COMMD1: variants seen among roughly 807,000 people sequenced by gnomAD.
COMMD1 encodes COMM domain-containing protein 1.
Under a neutral mutation model 17.2 loss-of-function variants are expected in COMMD1, and 10 were observed. That is an observed-to-expected ratio of 0.58 (90% CI 0.36 to 0.99). COMMD1 has a LOEUF of 0.99. COMMD1 is among the 50% of genes least tolerant of loss of function. The probability of loss-of-function intolerance (pLI) is 0.01; values close to 1 mark genes in which losing one functional copy is unlikely to be tolerated. For synonymous variants in COMMD1, 97 were observed against 91.6 expected, an observed-to-expected ratio of 1.06 and a Z score of -0.34; for missense variants, 270 against 231.8, an observed-to-expected ratio of 1.17 and a Z score of -1.07.
chr2:61,968,757 C>T lies in COMMD1; in HGVS notation c.181-31944C>T, dbSNP rs79499477. Among the ~76,000 whole-genome samples, 38 of 152,026 alleles carry T rather than the reference C, an allele frequency of 2.5e-4. No individual in the cohort carries two copies. In the East Asian group the frequency reaches 6.0e-3, roughly 24 times the overall value. On this transcript the variant is annotated intron_variant, in intron 1 of 2. Transcript: ENST00000311832. The stretch of plus-strand genomic sequence containing the variant: ...ATTTTTTATATAGTTGAGATTTCTC[C>T]ATGTTGCCCAGGCTGGTTTCAAATT...
intron 2 of COMMD1, among the ~76,000 whole-genome samples, chr2:62,064,089 C>G (rs1161314173): frequency 6.6e-6 from 1 of 151,290 alleles, no homozygotes; most frequent in Non-Finnish European, 1.5e-5. Context: ...TCTGATTATT[C>G]CATTTTGTAA....
intron 2 of COMMD1, among the ~76,000 whole-genome samples, chr2:62,003,202 C>T (rs920773199): frequency 6.7e-6 from 1 of 150,062 alleles, no homozygotes; most frequent in East Asian, 1.9e-4. Flanking sequence ...CACTGCACTC[C>T]AGTCTGGGCA....
At chr2:62,060,896 TCC>T (rs898646650) in intron 2 of COMMD1, among the ~76,000 whole-genome samples, 1 of 152,256 alleles carries the variant, frequency 6.6e-6, no homozygotes, top group South Asian at 2.1e-4. Context: ...TCTGTTTTTT[TCC>T]CCCAATCTTT....
intron 2 of COMMD1, among the ~76,000 whole-genome samples, chr2:62,040,468 T>C (rs904932221): frequency 3.3e-5 from 5 of 152,208 alleles, no homozygotes; most frequent in African/African-American, 1.2e-4. Context: ...ATAGTTTCTC[T>C]TGAAAACAAT....
In COMMD1 at chr2:62,104,594, A is replaced by T. The variant is rs1451335617; in HGVS notation, c.463-31237A>T. On this transcript the variant is annotated intron_variant, in intron 2 of 2. Coordinates refer to ENST00000311832, the MANE Select transcript of COMMD1 (RefSeq NM_152516.4). ...GGCAGCAGTGAGTCGAGATCGCGCC[A>T]CTGTACTCCAGCCTGGGCAACAGAG... Among the ~76,000 whole-genome samples, 3 of 144,546 alleles carry T rather than the reference A, an allele frequency of 2.1e-5. No individual in the cohort carries two copies. In the South Asian group the frequency reaches 6.5e-4, roughly 31 times the overall value. 94.8% of individuals were successfully genotyped at this position (144,546 alleles called of 152,430 possible). A position where few individuals can be genotyped will look rare whatever the true frequency, so the allele number is the denominator to read the frequency against.
chr2:61,974,279 T>A (rs1671731654), intron 1 of COMMD1, among the ~76,000 whole-genome samples: 1 of 152,022 alleles, frequency 6.6e-6, no homozygotes, highest in Admixed American at 6.6e-5. Context: ...TGAGACTGTC[T>A]AAGAAAAAAG....
intron 1 of COMMD1, among the ~76,000 whole-genome samples, chr2:61,946,975 A>G (rs1670923520): frequency 6.6e-6 from 1 of 152,174 alleles, no homozygotes; most frequent in African/African-American, 2.4e-5. Context: ...ATTTTTAACA[A>G]TTAATCTTTA....
chr2:61,901,960 A>G (rs1046037680), upstream of COMMD1, among the ~76,000 whole-genome samples: 13 of 151,930 alleles, frequency 8.6e-5, no homozygotes, highest in Non-Finnish European at 1.9e-4. Flanking sequence ...CAGCCTCCCA[A>G]GTAGCTGGAC....
intron 2 of COMMD1, among the ~76,000 whole-genome samples, chr2:62,109,593 C>T (rs916381374): frequency 6.6e-6 from 1 of 152,184 alleles, no homozygotes. Flanking sequence ...AAGTGAATTA[C>T]GTGAATTCCC....
chr2:62,062,461 C>T (rs867677495), intron 2 of COMMD1, among the ~76,000 whole-genome samples: 4 of 152,082 alleles, frequency 2.6e-5, no homozygotes, highest in Non-Finnish European at 5.9e-5. Flanking sequence ...CTCCTTTCCT[C>T]AGGTGATCCA....
rs1031472012 is a variant in COMMD1, at chr2:62,087,680, G to A, written c.463-48151G>A. ...AAGAATTGCTTGAACCAGGGAGACG[G>A]AAATTGGATTGAGCTGAGATCATGC... On this transcript the variant is annotated intron_variant, in intron 2 of 2. Coordinates refer to ENST00000311832, the MANE Select transcript of COMMD1 (RefSeq NM_152516.4). Among the ~76,000 whole-genome samples, 10 of 152,206 alleles carry A rather than the reference G, an allele frequency of 6.6e-5. No homozygotes were observed. In the South Asian group the frequency reaches 2.1e-3, roughly 32 times the overall value.
rs114186060 is a variant in COMMD1 at position 62,130,241 on chromosome 2, C to T, written c.463-5590C>T. On this transcript the variant is annotated intron_variant, in intron 2 of 2. Coordinates refer to ENST00000311832, the MANE Select transcript of COMMD1 (RefSeq NM_152516.4). Reference sequence around the variant, plus strand: ...TAAAAGAAAAATCTGGGGTAATAAGCTTTATGAAACATAGCCAGCTTTATG... The same window carrying T: ...TAAAAGAAAAATCTGGGGTAATAAGTTTTATGAAACATAGCCAGCTTTATG... 4.0e-3 allele frequency among the ~76,000 whole-genome samples: 599 copies of T among 148,732 alleles called. 3 individuals carry two copies. Among genetic ancestry groups the T allele is most frequent in the African/African-American group, 0.014 (567 of 40,730 alleles).
chr2:61,992,464 C>T (rs900339546), intron 1 of COMMD1, among the ~76,000 whole-genome samples: 1 of 152,112 alleles, frequency 6.6e-6, no homozygotes, highest in South Asian at 2.1e-4. Context: ...GTGGGATGTT[C>T]TTGGTCAGGG....
At chr2:62,012,256 CA>C (rs1323314521) in intron 2 of COMMD1, among the ~76,000 whole-genome samples, 2 of 126,144 alleles carry the variant, frequency 1.6e-5, no homozygotes, top group Admixed American at 1.7e-4. Context: ...GACCTTGTCT[CA>C]AACACACACA....
intron 2 of COMMD1, among the ~76,000 whole-genome samples, chr2:62,067,630 G>T (rs1671090413): frequency 6.6e-6 from 1 of 152,202 alleles, no homozygotes; most frequent in African/African-American, 2.4e-5. Context: ...TTTTGATGAA[G>T]AATGGACAGT....
intron 1 of COMMD1, among the ~76,000 whole-genome samples, chr2:61,899,396 T>G (rs368870488): frequency 7.9e-5 from 12 of 152,246 alleles, no homozygotes; most frequent in African/African-American, 2.9e-4. Context: ...ATTGCCTGTC[T>G]TTGTTCATCC....
chr2:61,972,440 A>T (rs147900428), intron 1 of COMMD1, among the ~76,000 whole-genome samples: 102 of 152,264 alleles, frequency 6.7e-4, no homozygotes, highest in African/African-American at 2.4e-3. Flanking sequence ...CTCTATTCTT[A>T]TGGGTGAGTT....
intron 2 of COMMD1, among the ~76,000 whole-genome samples, chr2:62,059,546 T>TA: frequency 1.3e-5 from 2 of 152,238 alleles, no homozygotes; most frequent in South Asian, 4.1e-4. Context: ...CTCCCCATTT[T>TA]TTCCCCCTTA....
intron 2 of COMMD1, among the ~76,000 whole-genome samples, chr2:62,016,161 T>A (rs2103843729): frequency 6.6e-6 from 1 of 151,888 alleles, no homozygotes; most frequent in African/African-American, 2.4e-5. Context: ...AAATCTTTTT[T>A]ATTTTTCTTT....
Sources: allele counts gnomAD v4.1 joint callset (sites outside exome capture counted in the v4.1 genomes callset), GRCh38; gene constraint gnomAD v4.1.1; transcripts MANE v1.5; gene names NCBI Gene and HGNC (gene_info 2026-07-23, HGNC 2026-07-21).